DIPK1C: variants seen among roughly 807,000 people sequenced by gnomAD.
DIPK1C encodes divergent protein kinase domain 1C.
A neutral mutation model predicts 28.0 loss-of-function variants in DIPK1C; 33 were observed. The observed-to-expected ratio is 1.18, with a 90% confidence interval of 0.89 to 1.58. DIPK1C has a LOEUF of 1.58. DIPK1C is among the 40% of genes most tolerant of loss of function. The probability of loss-of-function intolerance (pLI) is 0.00; values close to 1 mark genes in which losing one functional copy is unlikely to be tolerated. For missense variants in DIPK1C, 569 were observed against 568.5 expected (o/e 1.00, Z -0.01); for synonymous variants, 255 against 248.8 (o/e 1.02, Z -0.23).
intron 1 of DIPK1C, among the ~76,000 whole-genome samples, chr18:74,456,513 A>G (rs1986515980): frequency 6.6e-6 from 1 of 152,146 alleles, no homozygotes; most frequent in African/African-American, 2.4e-5. Context: ...GACCGCGGAG[A>G]GCCTGGGCTC....
intron 3 of DIPK1C, among the ~76,000 whole-genome samples, chr18:74,438,940 C>A (rs566293446): frequency 6.6e-6 from 1 of 152,200 alleles, no homozygotes; most frequent in Non-Finnish European, 1.5e-5. Flanking sequence ...CTCCCCTTGG[C>A]GAAGCCAGTC....
chr18:74,442,537 G>A (rs1047750690), intron 2 of DIPK1C, among the ~76,000 whole-genome samples: 9 of 152,262 alleles, frequency 5.9e-5, no homozygotes, highest in Admixed American at 2.6e-4. Context: ...CACCGTGTTA[G>A]CCAGGATGGT....
chr18:74,442,798 T>A (rs1467878487), intron 2 of DIPK1C, among the ~76,000 whole-genome samples: 1 of 152,228 alleles, frequency 6.6e-6, no homozygotes, highest in African/African-American at 2.4e-5. Context: ...CTGAGAGGCG[T>A]TATACATGAA....
upstream of DIPK1C, among the ~76,000 whole-genome samples, chr18:74,458,669 G>A (rs940462372): frequency 4.6e-4 from 8 of 17,444 alleles, no homozygotes; most frequent in Admixed American, 7.3e-4. Context: ...GGTAAGGCCA[G>A]GTGAAGCTCT....
chr18:74,460,935 T>C (rs1986606513), upstream of DIPK1C, among the ~76,000 whole-genome samples: 1 of 152,218 alleles, frequency 6.6e-6, no homozygotes, highest in Non-Finnish European at 1.5e-5. Flanking sequence ...CAAAGGGAGA[T>C]GCTGCGTGTC....
In DIPK1C at chr18:74,447,203, G is replaced by C; in HGVS notation, c.279C>G (p.Arg93=). ...LCVAGELLFQ[R]CLHYNRGKKV... ...TCTTGCCTCTGTTGTAGTGCAGGCAGCGTTGGAACAGCAGCTCTCCCGCCA... is the reference window on the plus strand; with the variant it reads ...TCTTGCCTCTGTTGTAGTGCAGGCACCGTTGGAACAGCAGCTCTCCCGCCA... The change falls in exon 2 of 4, where the codon CGC becomes CGG. Residue 93 remains arginine (R), a synonymous_variant. Transcript: ENST00000343998. This position sits in a 1 kb window ranked among gnomAD's most constrained non-coding sequence, Gnocchi z 4.1. 6.5e-7 allele frequency: 1 copy of C among 1,550,386 alleles called. No homozygotes were observed. Among genetic ancestry groups the C allele is most frequent in the Non-Finnish European group, 8.7e-7 (1 of 1,146,942 alleles).
intron 2 of DIPK1C, among the ~76,000 whole-genome samples, chr18:74,444,274 T>C (rs1159404897): frequency 2.0e-5 from 3 of 152,194 alleles, no homozygotes; most frequent in Admixed American, 6.5e-5. Flanking sequence ...TAGTTTCAGA[T>C]CATGAAGGTT....
chr18:74,460,611 C>T (rs1156622681), upstream of DIPK1C, among the ~76,000 whole-genome samples: 1 of 152,204 alleles, frequency 6.6e-6, no homozygotes, highest in African/African-American at 2.4e-5. Context: ...TATGGGAGTC[C>T]TGGCCTCCGC....
At chr18:74,438,961 T>C (rs1986058542) in intron 3 of DIPK1C, among the ~76,000 whole-genome samples, 1 of 152,230 alleles carries the variant, frequency 6.6e-6, no homozygotes, top group South Asian at 2.1e-4. Flanking sequence ...CTGGGGAGAA[T>C]GAGCCCCAGC....
At chr18:74,440,935 T>C (rs1183623846) in intron 3 of DIPK1C, among the ~76,000 whole-genome samples, 1 of 152,214 alleles carries the variant, frequency 6.6e-6, no homozygotes, top group African/African-American at 2.4e-5. Flanking sequence ...GGGGAATTAC[T>C]CAGTGATTCT....
At chr18:74,443,587 A>G (rs746232) in intron 2 of DIPK1C, among the ~76,000 whole-genome samples, 28,923 of 152,188 alleles carry the variant, frequency 0.19, 3,021 homozygotes, top group East Asian at 0.36. Flanking sequence ...AGGGGGAATT[A>G]TTTATTTCAA....
chr18:74,464,324 G>A, the DIPK1C span, among the ~76,000 whole-genome samples: 3 of 152,128 alleles, frequency 2.0e-5, no homozygotes, highest in African/African-American at 7.2e-5. Flanking sequence ...GAAAATCCTT[G>A]GTTCCACCTC....
Position 74,446,499 on chromosome 18 carries a change from G to A in DIPK1C, c.876+107C>T. On this transcript the variant is annotated intron_variant, in intron 2 of 3. Transcript: ENST00000343998. ...GTTCTCTAAGGCTGCAGAAGCAACA[G>A]TAGTTTGCTAACTCAGGCCAGGAGC... The A allele has an allele frequency of 3.5e-6, 4 of 1,136,108 alleles. No homozygotes were observed. The South Asian group carries it at 8.1e-5, about 23-fold the overall frequency. The allele number at this position is 1,136,108 out of a possible 1,614,324, so 70.4% of individuals were successfully genotyped here. A position where few individuals can be genotyped will look rare whatever the true frequency, so the allele number is the denominator to read the frequency against.
chr18:74,464,100 C>T, the DIPK1C span, among the ~76,000 whole-genome samples: 2 of 152,200 alleles, frequency 1.3e-5, no homozygotes, highest in African/African-American at 4.8e-5. Flanking sequence ...AATCTCAGCT[C>T]TCCGGATGCT....
chr18:74,442,489 C>T (rs760428898), intron 2 of DIPK1C, among the ~76,000 whole-genome samples: 19 of 152,030 alleles, frequency 1.2e-4, no homozygotes, highest in Middle Eastern at 3.4e-3. Flanking sequence ...CCACCACACC[C>T]GGCTAATTTT....
At chr18:74,454,805 T>C (rs1986470197) in intron 1 of DIPK1C, among the ~76,000 whole-genome samples, 1 of 151,950 alleles carries the variant, frequency 6.6e-6, no homozygotes, top group Admixed American at 6.6e-5. Context: ...GTGTCCTGGG[T>C]AAAATTTGAG....
At chr18:74,460,151 T>C (rs1037108294), upstream of DIPK1C, among the ~76,000 whole-genome samples, 3 of 152,132 alleles carry the variant, frequency 2.0e-5, no homozygotes, top group Admixed American at 6.5e-5. Flanking sequence ...GGGGGAGGAA[T>C]GGAGAGGGAC....
In DIPK1C at chr18:74,442,043, C is replaced by T. The variant is rs779609774; in HGVS notation, c.950G>A (p.Gly317Glu). Residue 317 changes from glycine (G) to glutamate (E), a missense_variant, in exon 3 of 4, where the codon GGA (glycine) becomes GAA (glutamate). By Grantham distance (98) the Gly-to-Glu change is moderately conservative. Transcript: ENST00000343998. The part of the protein sequence containing the change: ...MREILEQNCT[G>E]DEDCNFFDCF... The stretch of plus-strand genomic sequence containing the variant: ...GTCAAAGAAATTGCAGTCTTCATCT[C>T]CTGTGCAGTTTTGCTCAAGGATTTC... The T allele has an allele frequency of 1.6e-5, 26 of 1,614,180 alleles. No individual in the cohort carries two copies. The East Asian group carries it at 5.6e-4, about 35-fold the overall frequency.
chr18:74,456,512 G>A (rs1034707125), intron 1 of DIPK1C, among the ~76,000 whole-genome samples: 3 of 152,222 alleles, frequency 2.0e-5, no homozygotes, highest in Non-Finnish European at 4.4e-5. Context: ...CGACCGCGGA[G>A]AGCCTGGGCT....
Sources: gnomAD v4.1 joint callset for allele counts (sites outside exome capture counted in the v4.1 genomes callset) on GRCh38, gnomAD v4.1.1 for gene constraint, Gnocchi (gnomAD v3.1) non-coding constraint, MANE v1.5 for transcripts, NCBI Gene and HGNC (gene_info 2026-07-23, HGNC 2026-07-21) for gene names.